The following HNRNPU variants were observed in gnomAD, a reference collection of about 807,000 sequenced individuals.
HNRNPU encodes HNRNPU antisense RNA 1.
A neutral mutation model predicts 94.7 loss-of-function variants in HNRNPU; 5 were observed. That is an observed-to-expected ratio of 0.05 (90% CI 0.03 to 0.11). The LOEUF is 0.11. HNRNPU is among the 10% of genes least tolerant of loss of function. The pLI, the probability that HNRNPU is intolerant of heterozygous loss-of-function variation, is 1.00. For missense variants in HNRNPU, 710 were observed against 1,049.2 expected, an observed-to-expected ratio of 0.68 and a Z score of 4.47; for synonymous variants, 434 against 381.6, an observed-to-expected ratio of 1.14 and a Z score of -1.60.
chr1:244,861,719 AAACC>A (rs753033050), intron 3 of HNRNPU: 3 of 146,402 alleles, frequency 2.0e-5, no homozygotes, highest in Non-Finnish European at 4.5e-5. Flanking sequence ...TCTCATCACT[AAACC>A]AACTACGTTT....
At chr1:244,863,555 G>C in intron 1 of HNRNPU, 62 bp downstream of exon 1, 1 of 1,303,976 alleles carries the variant, frequency 7.7e-7, no homozygotes. Context: ...CGGCAGGCCT[G>C]GGGCACGGTC....
rs1189252436 is a variant in HNRNPU at position 244,851,247 on chromosome 1, TATTC to T, written c.*3199_*3202del. 1 of 152,234 alleles carries T rather than the reference TATTC, an allele frequency of 6.6e-6. No homozygotes were observed. The highest frequency in any genetic ancestry group is 2.4e-5 in the African/African-American group (1 of 41,462). The allele number at this position is 152,234 out of a possible 1,614,324, so 9.4% of individuals were successfully genotyped here. ...TAAGATATGTTTATGCCTCTCTGTT[TATTC>T]TAGTTTTTTAAAAATCAAATATACA... On this transcript the variant is annotated 3_prime_UTR_variant, in exon 14 of 14. Coordinates refer to ENST00000640218, the MANE Select transcript of HNRNPU (RefSeq NM_031844.3).
At position 244,853,108 on chromosome 1, in the gene HNRNPU, C is replaced by A. The variant is rs1680589843; in HGVS notation, c.*1342G>T. ...ATCAGTTGAGGACAGCATTAGCATT[C>A]TGTAAAGATGATAAACTCAGTGTTA... is the stretch of plus-strand genomic sequence containing the variant. On this transcript the variant is annotated 3_prime_UTR_variant, in exon 14 of 14. Coordinates refer to ENST00000640218, the MANE Select transcript of HNRNPU (RefSeq NM_031844.3). 1 of 152,486 alleles carries A rather than the reference C, an allele frequency of 6.6e-6. No homozygotes were observed. Among genetic ancestry groups the A allele is most frequent in the Non-Finnish European group, 1.5e-5 (1 of 67,994 alleles). The allele number at this position is 152,486 out of a possible 1,614,324, so 9.4% of individuals were successfully genotyped here.
intron 5 of HNRNPU, chr1:244,859,057 G>C: frequency 1.7e-6 from 1 of 576,504 alleles, no homozygotes; most frequent in South Asian, 2.3e-5. Flanking sequence ...GCATATCACG[G>C]GTAAGATTTT....
rs1041323603 is a variant in HNRNPU, at chr1:244,851,963, T to A, written c.*2487A>T. On this transcript the variant is annotated 3_prime_UTR_variant, in exon 14 of 14. Coordinates refer to ENST00000640218, the MANE Select transcript of HNRNPU (RefSeq NM_031844.3). Reference sequence around the variant, plus strand: ...TTACACTCAGCATGTGTTATTCTACTTTAAAATATAACCTTAGTGAAAGCA... The same window carrying A: ...TTACACTCAGCATGTGTTATTCTACATTAAAATATAACCTTAGTGAAAGCA... 1.3e-5 allele frequency: 2 copies of A among 152,226 alleles called. No homozygotes were observed. The highest frequency in any genetic ancestry group is 2.9e-5 in the Non-Finnish European group (2 of 68,044). The allele number at this position is 152,226 out of a possible 1,614,324, so 9.4% of individuals were successfully genotyped here.
At chr1:244,860,067 G>A (rs775892503) in intron 4 of HNRNPU, 14 of 344,800 alleles carry the variant, frequency 4.1e-5, no homozygotes, top group African/African-American at 6.4e-5. Context: ...TTGGGACGCC[G>A]AGACAGTGGA....
intron 11 of HNRNPU, 28 bp from the exon 12 acceptor site, chr1:244,855,636 A>G: frequency 1.2e-6 from 2 of 1,607,968 alleles, no homozygotes; most frequent in Non-Finnish European, 1.7e-6. Flanking sequence ...TTTTAGTTTC[A>G]TTGTATATTG....
At chr1:244,858,379 G>T (rs191553418) in intron 6 of HNRNPU, 105 bp from the exon 7 acceptor site, 2 of 1,076,732 alleles carry the variant, frequency 1.9e-6, no homozygotes, top group South Asian at 1.6e-5. Context: ...GAAGCTACAG[G>T]TTAAAGAACT....
At chr1:244,863,418 A>ACGCG (rs1244083105) in intron 1 of HNRNPU, among the ~76,000 whole-genome samples, 199 bp downstream of exon 1, 15 of 141,552 alleles carry the variant, frequency 1.1e-4, no homozygotes, top group East Asian at 4.3e-4. Flanking sequence ...ACACACACAC[A>ACGCG]CACGCGCGCG....
At chr1:244,857,536 C>G in intron 8 of HNRNPU, 62 bp downstream of exon 8, 1 of 1,541,532 alleles carries the variant, frequency 6.5e-7, no homozygotes, top group Non-Finnish European at 8.9e-7. Flanking sequence ...CGTGAACCAC[C>G]ATGCCCAGCC....
chr1:244,853,187 G>C lies in HNRNPU; in HGVS notation c.*1263C>G, dbSNP rs1353586710. The C allele has an allele frequency of 6.6e-6, 1 of 152,412 alleles. No homozygotes were observed. Among genetic ancestry groups the C allele is most frequent in the East Asian group, 1.9e-4 (1 of 5,206 alleles). 9.4% of individuals were successfully genotyped at this position (152,412 alleles called of 1,614,324 possible). On this transcript the variant is annotated 3_prime_UTR_variant, in exon 14 of 14. Transcript: ENST00000640218. The stretch of plus-strand genomic sequence containing the variant: ...CATTAAATATGTTAAAAGTTGTCTG[G>C]GGGGGAGGGGAAGGGAAGAATTCAA...
intron 12 of HNRNPU, 78 bp downstream of exon 12, chr1:244,855,346 C>T: frequency 1.5e-6 from 2 of 1,341,146 alleles, no homozygotes; most frequent in Non-Finnish European, 2.1e-6. Context: ...ATTACTAAGA[C>T]ACCCCAACAT....
chr1:244,859,435 C>T (rs542336132), intron 4 of HNRNPU, 61 bp from the exon 5 acceptor site: 8 of 823,258 alleles, frequency 9.7e-6, no homozygotes, highest in East Asian at 2.5e-5. Context: ...CCTTAACTCT[C>T]GCATATTTCA....
intron 12 of HNRNPU, 147 bp from the exon 13 acceptor site, chr1:244,855,191 G>C: frequency 2.8e-6 from 2 of 721,268 alleles, no homozygotes; most frequent in Non-Finnish European, 4.8e-6. Context: ...CCCTCTGCTG[G>C]TTTCTTATGT....
intron 5 of HNRNPU, 80 bp downstream of exon 5, chr1:244,859,195 A>G: frequency 1.3e-6 from 1 of 742,062 alleles, no homozygotes; most frequent in South Asian, 1.6e-5. Context: ...AAAGGCTTAG[A>G]ATGCCCTCTA....
In HNRNPU at chr1:244,862,707, C is replaced by A; in HGVS notation, c.715G>T (p.Gly239Cys). The change falls in exon 2 of 14, where the codon GGC becomes TGC. Residue 239 changes from glycine (G) to cysteine (C), a missense_variant. Gly to Cys is a radical substitution (Grantham distance 159). Transcript: ENST00000640218. ...TTAACACCCCTCTTTTTATCTCCGC[C>A]TTTCTGTTCTGTTTTGCCGTCCCCT... ...AAGDGKTEQK[G>C]GDKKRGVKRP... The A allele has an allele frequency of 6.2e-7, 1 of 1,614,098 alleles. No homozygotes were observed.
intron 7 of HNRNPU, 102 bp downstream of exon 7, chr1:244,857,909 A>G: frequency 7.5e-7 from 1 of 1,340,034 alleles, no homozygotes; most frequent in Non-Finnish European, 1.0e-6. Context: ...TGCACAGCAC[A>G]AAGTAAATGA....
intron 13 of HNRNPU, 58 bp from the exon 14 acceptor site, chr1:244,854,561 T>C (rs1204658187): frequency 9.0e-7 from 1 of 1,105,322 alleles, no homozygotes; most frequent in Non-Finnish European, 1.4e-6. Context: ...TCAAACTGTT[T>C]TTAGGAAATG....
intron 3 of HNRNPU, 51 bp downstream of exon 3, chr1:244,862,410 A>AAAG: frequency 1.5e-6 from 2 of 1,293,844 alleles, no homozygotes; most frequent in African/African-American, 3.0e-5. Flanking sequence ...AAAAAAAAAA[A>AAAG]AAAACCACCA....
Sources: gnomAD v4.1 joint callset for allele counts (sites outside exome capture counted in the v4.1 genomes callset) on GRCh38, gnomAD v4.1.1 for gene constraint, MANE v1.5 for transcripts, NCBI Gene and HGNC (gene_info 2026-07-23, HGNC 2026-07-21) for gene names.